RBFOX3: variants seen among roughly 807,000 people sequenced by gnomAD.
The protein encoded by RBFOX3 is RNA binding fox-1 homolog 3, also known as RNA binding protein fox-1 homolog 3.
In RBFOX3, 17 loss-of-function variants were observed where a neutral mutation model predicts 48.7. That is an observed-to-expected ratio of 0.35 (90% CI 0.24 to 0.52). The LOEUF is 0.52. RBFOX3 is among the 20% of genes least tolerant of loss of function. The probability of loss-of-function intolerance (pLI) is 0.94; values close to 1 mark genes in which losing one functional copy is unlikely to be tolerated. For missense variants in RBFOX3, 382 were observed against 497.5 expected (o/e 0.77, Z 2.21); for synonymous variants, 212 against 209.5 (o/e 1.01, Z -0.10).
chr17:79,189,532 C>T (rs919601480), intron 4 of RBFOX3, among the ~76,000 whole-genome samples: 4 of 152,214 alleles, frequency 2.6e-5, no homozygotes, highest in East Asian at 1.9e-4. Flanking sequence ...ACCACCGCTC[C>T]GTCTGTGCAG....
At chr17:79,433,822 G>A (rs1169253287) in intron 2 of RBFOX3, among the ~76,000 whole-genome samples, 1 of 152,192 alleles carries the variant, frequency 6.6e-6, no homozygotes, top group Admixed American at 6.5e-5. Context: ...GGGCTCCCGG[G>A]GAAATACATG....
intron 2 of RBFOX3, among the ~76,000 whole-genome samples, chr17:79,412,002 G>T (rs1250055288): frequency 6.6e-6 from 1 of 152,120 alleles, no homozygotes; most frequent in Non-Finnish European, 1.5e-5. Flanking sequence ...AAATGTGTGT[G>T]CAGCATGTAT....
At chr17:79,652,745 C>A in the RBFOX3 span, among the ~76,000 whole-genome samples, 2 of 151,780 alleles carry the variant, frequency 1.3e-5, no homozygotes, top group Admixed American at 1.3e-4. Context: ...GGAGTTCCAG[C>A]ATTTGATAAA....
At chr17:79,422,546 C>T (rs4790035) in intron 2 of RBFOX3, among the ~76,000 whole-genome samples, 44,433 of 152,130 alleles carry the variant, frequency 0.29, 6,934 homozygotes, top group East Asian at 0.4. Flanking sequence ...CCTTCATTTG[C>T]GGAAGCCGCC....
intron 2 of RBFOX3, among the ~76,000 whole-genome samples, chr17:79,430,565 G>C (rs2068246750): frequency 1.3e-5 from 2 of 152,148 alleles, no homozygotes; most frequent in African/African-American, 4.8e-5. Flanking sequence ...ATTATTGTTT[G>C]AGACAGAGTC....
At chr17:79,155,708 A>C (rs1256511196) in intron 4 of RBFOX3, among the ~76,000 whole-genome samples, 1 of 151,978 alleles carries the variant, frequency 6.6e-6, no homozygotes, top group Non-Finnish European at 1.5e-5. Context: ...TGGAGGTGCC[A>C]GCACCTCCAA....
chr17:79,306,275 T>G (rs1244408749), intron 3 of RBFOX3, among the ~76,000 whole-genome samples: 1 of 152,234 alleles, frequency 6.6e-6, no homozygotes, highest in Non-Finnish European at 1.5e-5. Flanking sequence ...GAGACGGGGC[T>G]GTGAGACATC....
intron 2 of RBFOX3, among the ~76,000 whole-genome samples, chr17:79,404,617 T>C (rs1478553819): frequency 1.3e-5 from 2 of 151,980 alleles, no homozygotes; most frequent in African/African-American, 4.8e-5. Context: ...GACTCTCCTG[T>C]CCCTCCCCTC....
chr17:79,238,955 C>G (rs908362855), intron 3 of RBFOX3, among the ~76,000 whole-genome samples: 2 of 152,150 alleles, frequency 1.3e-5, no homozygotes, highest in Admixed American at 6.5e-5. Flanking sequence ...GCCAGGAGCT[C>G]CCCGAGCCCA....
rs73999990 is a variant in RBFOX3, at chr17:79,291,031, G to T, written c.-74+16693C>A. On this transcript the variant is annotated intron_variant, in intron 3 of 14. Coordinates refer to ENST00000693108, the MANE Select transcript of RBFOX3 (RefSeq NM_001350451.2). ...TCCCAGTGCTTCCCACCCCTCTCCT[G>T]GGACTTTGGGAGAGGAAAGGCAAAT... Among the ~76,000 whole-genome samples the T allele has an allele frequency of 7.0e-3, 1,073 of 152,272 alleles. 22 individuals carry two copies. Among genetic ancestry groups the T allele is most frequent in the African/African-American group, 0.025 (1,033 of 41,554 alleles).
At chr17:79,352,917 A>G (rs574441690) in intron 2 of RBFOX3, among the ~76,000 whole-genome samples, 1 of 152,222 alleles carries the variant, frequency 6.6e-6, no homozygotes, top group African/African-American at 2.4e-5. Flanking sequence ...TGACTGGCAC[A>G]CTCCAGCGAG....
chr17:79,338,258 C>T (rs571524101), intron 2 of RBFOX3, among the ~76,000 whole-genome samples: 26 of 152,158 alleles, frequency 1.7e-4, no homozygotes, highest in South Asian at 1.0e-3. Context: ...TATTTTTTAA[C>T]GGGCTGGAAG....
At chr17:79,486,451 G>A (rs1230236319) in intron 1 of RBFOX3, among the ~76,000 whole-genome samples, 1 of 152,178 alleles carries the variant, frequency 6.6e-6, no homozygotes, top group Admixed American at 6.5e-5. Flanking sequence ...AAAAGCCCCT[G>A]CAGCCTCCTC....
chr17:79,598,330 G>A (rs75800072), intron 1 of RBFOX3: 90,492 of 152,080 alleles, frequency 0.6, 27,129 homozygotes, highest in South Asian at 0.63. Flanking sequence ...GCACACACAC[G>A]CTCATGCACA....
intron 2 of RBFOX3, among the ~76,000 whole-genome samples, chr17:79,451,136 T>C (rs1449777816): frequency 1.3e-5 from 2 of 152,166 alleles, no homozygotes; most frequent in African/African-American, 4.8e-5. Flanking sequence ...CTGGGACAAT[T>C]TGCTATCGAA....
the RBFOX3 span, among the ~76,000 whole-genome samples, chr17:79,656,776 AG>A: frequency 0.01 from 326 of 31,246 alleles, 7 homozygotes; most frequent in Non-Finnish European, 0.019. Context: ...GAAGGAAGGA[AG>A]GAAAGAAAGA....
At chr17:79,200,880 C>A (rs1378709291) in intron 4 of RBFOX3, among the ~76,000 whole-genome samples, 2 of 152,002 alleles carry the variant, frequency 1.3e-5, no homozygotes, top group Non-Finnish European at 2.9e-5. Context: ...ATCCACCCAG[C>A]CTTTCACCCC....
At chr17:79,561,322 C>A (rs1451192230) in intron 1 of RBFOX3, among the ~76,000 whole-genome samples, 1 of 152,166 alleles carries the variant, frequency 6.6e-6, no homozygotes, top group Admixed American at 6.5e-5. Flanking sequence ...GCTGAGCAGC[C>A]GGCAAGCCCA....
chr17:79,101,900 C>A (rs558214532), intron 8 of RBFOX3, among the ~76,000 whole-genome samples: 2 of 152,340 alleles, frequency 1.3e-5, no homozygotes, highest in South Asian at 4.1e-4. Context: ...ATAAACCCAG[C>A]CCCAGGCTCC....
Sources: gnomAD v4.1 joint callset for allele counts (sites outside exome capture counted in the v4.1 genomes callset) on GRCh38, gnomAD v4.1.1 for gene constraint, MANE v1.5 for transcripts, NCBI Gene and HGNC (gene_info 2026-07-23, HGNC 2026-07-21) for gene names.